PTPRD: variants seen among roughly 807,000 people sequenced by gnomAD.
The protein encoded by PTPRD is protein tyrosine phosphatase receptor type D, also known as receptor-type tyrosine-protein phosphatase delta.
Under a neutral mutation model 214.5 loss-of-function variants are expected in PTPRD, and 34 were observed. The ratio of observed to expected loss-of-function variants is 0.16; its 90% CI spans 0.12 to 0.21. The LOEUF (loss-of-function observed/expected upper bound fraction) is 0.21, where lower values mean the gene tolerates loss of function less well. Among genes scored for constraint, PTPRD ranks in the 10% least tolerant of loss-of-function variants. The pLI, the probability that PTPRD is intolerant of heterozygous loss-of-function variation, is 1.00. For missense variants in PTPRD, 2,545 were observed against 2,398.7 expected (o/e 1.06, Z -1.27); for synonymous variants, 1,128 against 845.7 (o/e 1.33, Z -5.79).
At chr9:9,781,366 T>A (rs756124946) in intron 5 of PTPRD, among the ~76,000 whole-genome samples, 3 of 152,214 alleles carry the variant, frequency 2.0e-5, no homozygotes, top group African/African-American at 7.2e-5. Flanking sequence ...ATAGTATATA[T>A]GATTTTATAA....
Position 8,401,966 on chromosome 9 carries a change from C to T in PTPRD, c.4210+2571G>A, listed in dbSNP as rs148628485. ...AATATTTCAGTATACTAAAAGCTGG[C>T]CCTGTATTATCAAAGCTGTCTTTAG... On this transcript the variant is annotated intron_variant, in intron 36 of 45. Coordinates refer to ENST00000381196, the MANE Select transcript of PTPRD (RefSeq NM_002839.4). Among the ~76,000 whole-genome samples, 252 of 152,242 alleles carry T rather than the reference C, an allele frequency of 1.7e-3. 1 individual carries two copies. Among genetic ancestry groups the T allele is most frequent in the African/African-American group, 5.8e-3 (242 of 41,558 alleles).
At chr9:9,173,813 T>C (rs1480561401) in intron 10 of PTPRD, among the ~76,000 whole-genome samples, 1 of 152,136 alleles carries the variant, frequency 6.6e-6, no homozygotes, top group Non-Finnish European at 1.5e-5. Flanking sequence ...ATATACCCGA[T>C]ACTTTGCCGG....
intron 11 of PTPRD, among the ~76,000 whole-genome samples, chr9:8,888,281 C>G (rs1037381141): frequency 6.6e-6 from 1 of 152,090 alleles, no homozygotes; most frequent in Non-Finnish European, 1.5e-5. Context: ...CATAGTAATA[C>G]CGTTCATTTA....
intron 11 of PTPRD, among the ~76,000 whole-genome samples, chr9:8,781,068 G>C (rs2154493802): frequency 6.6e-6 from 1 of 152,230 alleles, no homozygotes; most frequent in South Asian, 2.1e-4. Context: ...GATGCGGGAT[G>C]GTTAGCTCCA....
intron 3 of PTPRD, among the ~76,000 whole-genome samples, chr9:10,101,097 A>G (rs910373647): frequency 2.0e-5 from 3 of 151,674 alleles, no homozygotes; most frequent in Non-Finnish European, 4.4e-5. Flanking sequence ...CAAGTTTTAC[A>G]TTCAGATGGG....
At chr9:9,861,360 G>A (rs149938797) in intron 5 of PTPRD, among the ~76,000 whole-genome samples, 2,789 of 152,068 alleles carry the variant, frequency 0.018, 81 homozygotes, top group African/African-American at 0.064. Flanking sequence ...GCGCCATCTC[G>A]GCTCACTGCA....
rs550759154 is a variant in PTPRD at position 9,133,812 on chromosome 9, T to A, written c.-143+49492A>T. Among the ~76,000 whole-genome samples the A allele has an allele frequency of 9.9e-5, 15 of 152,214 alleles. No individual in the cohort carries two copies. The East Asian group carries it at 2.9e-3, about 30-fold the overall frequency. ...ACAGGGGCTGAGCTGCCTGTGCACATGTAGAATGAGAAAGGCTCCCACTTC... is the reference window on the plus strand; with the variant it reads ...ACAGGGGCTGAGCTGCCTGTGCACAAGTAGAATGAGAAAGGCTCCCACTTC... On this transcript the variant is annotated intron_variant, in intron 10 of 45. Coordinates refer to ENST00000381196, the MANE Select transcript of PTPRD (RefSeq NM_002839.4).
intron 3 of PTPRD, among the ~76,000 whole-genome samples, chr9:10,267,083 C>T (rs376140315): frequency 6.7e-6 from 1 of 149,414 alleles, no homozygotes; most frequent in South Asian, 2.1e-4. Flanking sequence ...TGCAGTTACT[C>T]GGGAGGCTGA....
At position 9,819,369 on chromosome 9, in the gene PTPRD, A is replaced by C. The variant is rs140687618; in HGVS notation, c.-367-52518T>G. Reference sequence around the variant, plus strand: ...TGAAGCCCCAAATGAACTTTGGCGGAGGTTTAATAAGAATTGCACTTTGCA... The same window carrying C: ...TGAAGCCCCAAATGAACTTTGGCGGCGGTTTAATAAGAATTGCACTTTGCA... On this transcript the variant is annotated intron_variant, in intron 5 of 45. Coordinates refer to ENST00000381196, the MANE Select transcript of PTPRD (RefSeq NM_002839.4). Among the ~76,000 whole-genome samples the C allele has an allele frequency of 4.3e-3, 661 of 152,284 alleles. 4 individuals are homozygous for C. The highest frequency in any genetic ancestry group is 0.015 in the African/African-American group (603 of 41,546).
At chr9:9,347,429 T>C (rs1366445865) in intron 9 of PTPRD, among the ~76,000 whole-genome samples, 1 of 151,894 alleles carries the variant, frequency 6.6e-6, no homozygotes, top group Non-Finnish European at 1.5e-5. Flanking sequence ...ACAATTTCTG[T>C]TCCCTTCAAT....
intron 10 of PTPRD, among the ~76,000 whole-genome samples, chr9:9,111,363 T>G (rs1467302076): frequency 6.6e-6 from 1 of 151,068 alleles, no homozygotes; most frequent in African/African-American, 2.4e-5. Flanking sequence ...ATCCAGTGAG[T>G]CTAAGTCTTT....
chr9:10,536,701 G>C (rs1302562015), intron 2 of PTPRD, among the ~76,000 whole-genome samples: 1 of 152,066 alleles, frequency 6.6e-6, no homozygotes, highest in Admixed American at 6.6e-5. Context: ...TGCATTGCTT[G>C]TATAAATACT....
chr9:10,414,318 G>A (rs1277326880), intron 2 of PTPRD, among the ~76,000 whole-genome samples: 1 of 151,824 alleles, frequency 6.6e-6, no homozygotes, highest in African/African-American at 2.4e-5. Context: ...CATACATGAG[G>A]CCAACAAGCA....
chr9:9,092,732 T>A (rs1446110027), intron 10 of PTPRD, among the ~76,000 whole-genome samples: 1 of 152,070 alleles, frequency 6.6e-6, no homozygotes, highest in Non-Finnish European at 1.5e-5. Context: ...TTAATAAACA[T>A]CTATTGTGTT....
At chr9:8,824,775 G>C (rs1436152774) in intron 11 of PTPRD, among the ~76,000 whole-genome samples, 3 of 152,056 alleles carry the variant, frequency 2.0e-5, no homozygotes, top group African/African-American at 7.2e-5. Context: ...GAGATCACTG[G>C]TTGGTTCACA....
At chr9:10,135,992 C>A (rs1051167294) in intron 3 of PTPRD, among the ~76,000 whole-genome samples, 1 of 150,850 alleles carries the variant, frequency 6.6e-6, no homozygotes, top group Non-Finnish European at 1.5e-5. Flanking sequence ...AAGAGACCCA[C>A]GTCATATGTA....
chr9:9,656,270 C>T (rs1189846159), intron 7 of PTPRD, among the ~76,000 whole-genome samples: 2 of 152,044 alleles, frequency 1.3e-5, no homozygotes, highest in Admixed American at 1.3e-4. Context: ...TAGTATTTAC[C>T]AAAATGCGTT....
intron 2 of PTPRD, among the ~76,000 whole-genome samples, chr9:10,361,163 A>G (rs559787562): frequency 1.4e-4 from 22 of 152,326 alleles, no homozygotes; most frequent in Non-Finnish European, 1.2e-4. Flanking sequence ...AAAGTCAAAA[A>G]GTATTGAGAA....
intron 11 of PTPRD, among the ~76,000 whole-genome samples, chr9:8,805,472 A>C (rs1214013164): frequency 2.6e-5 from 4 of 152,060 alleles, no homozygotes; most frequent in African/African-American, 7.2e-5. Context: ...TGGCTTGCCA[A>C]TTTTGGAAAA....
Sources: allele counts gnomAD v4.1 joint callset (sites outside exome capture counted in the v4.1 genomes callset), GRCh38; gene constraint gnomAD v4.1.1; transcripts MANE v1.5; gene names NCBI Gene and HGNC (gene_info 2026-07-23, HGNC 2026-07-21).